Variants in CREB5 observed in about 807,000 individuals in gnomAD.
The protein encoded by CREB5 is cAMP responsive element binding protein 5.
CREB5 carries 19 observed loss-of-function variants against 57.1 expected under a neutral mutation model. That is an observed-to-expected ratio of 0.33 (90% CI 0.23 to 0.49). The LOEUF is 0.49. CREB5 is among the 20% of genes least tolerant of loss of function. CREB5 has a pLI of 0.99. For synonymous variants in CREB5, 238 were observed against 238.3 expected, an observed-to-expected ratio of 1.00 and a Z score of 0.01; for missense variants, 579 against 671.6, an observed-to-expected ratio of 0.86 and a Z score of 1.52.
At chr7:28,519,646 G>A (rs1793123224) in intron 4 of CREB5, among the ~76,000 whole-genome samples, 1 of 152,172 alleles carries the variant, frequency 6.6e-6, no homozygotes, top group East Asian at 1.9e-4. Flanking sequence ...TGTGATGGTG[G>A]GAGAGAGGCA....
intron 1 of CREB5, among the ~76,000 whole-genome samples, chr7:28,357,462 A>G (rs1294891804): frequency 6.6e-6 from 1 of 152,186 alleles, no homozygotes; most frequent in Non-Finnish European, 1.5e-5. Flanking sequence ...TGTATGATTT[A>G]TTTAGGATTT....
intron 5 of CREB5, among the ~76,000 whole-genome samples, chr7:28,587,119 A>G (rs1796332706): frequency 6.6e-6 from 1 of 152,270 alleles, no homozygotes; most frequent in Admixed American, 6.5e-5. Flanking sequence ...GTATTTATCT[A>G]TACTTGGCTT....
At chr7:28,795,457 A>G (rs1372264844) in intron 7 of CREB5, among the ~76,000 whole-genome samples, 1 of 152,214 alleles carries the variant, frequency 6.6e-6, no homozygotes, top group Non-Finnish European at 1.5e-5. Context: ...ATAGAATTGT[A>G]AGAAAAGGAG....
At chr7:28,532,230 T>C (rs1354525517) in intron 4 of CREB5, among the ~76,000 whole-genome samples, 1 of 152,088 alleles carries the variant, frequency 6.6e-6, no homozygotes, top group Non-Finnish European at 1.5e-5. Context: ...GAGAGACTCA[T>C]CTTGGAAGCA....
At chr7:28,673,822 C>T (rs1324439230) in intron 5 of CREB5, among the ~76,000 whole-genome samples, 2 of 151,818 alleles carry the variant, frequency 1.3e-5, no homozygotes, top group Non-Finnish European at 2.9e-5. Flanking sequence ...TACAGGCGTA[C>T]ACCACCACAC....
chr7:28,825,750 C>A lies in CREB5; in HGVS notation c.*6471C>A, dbSNP rs1810025895. 6.6e-6 allele frequency: 1 copy of A among 152,568 alleles called. No homozygotes were observed. Among genetic ancestry groups the A allele is most frequent in the African/African-American group, 2.4e-5 (1 of 41,434 alleles). The allele number at this position is 152,568 out of a possible 1,614,324, so 9.5% of individuals were successfully genotyped here. A position where few individuals can be genotyped will look rare whatever the true frequency, so the allele number is the denominator to read the frequency against. Reference sequence around the variant, plus strand: ...GCATCGTGAACACATTTATTGTTACCAATGGACAATGAGTTCATTAAGACT... The same window carrying A: ...GCATCGTGAACACATTTATTGTTACAAATGGACAATGAGTTCATTAAGACT... On this transcript the variant is annotated 3_prime_UTR_variant, in exon 11 of 11. Coordinates refer to ENST00000357727, the MANE Select transcript of CREB5 (RefSeq NM_182898.4).
At chr7:28,621,335 G>A (rs1797783578) in intron 5 of CREB5, among the ~76,000 whole-genome samples, 1 of 152,248 alleles carries the variant, frequency 6.6e-6, no homozygotes, top group East Asian at 1.9e-4. Context: ...TTATGAACAA[G>A]GGAAAGTATT....
At chr7:28,476,259 CA>C (rs1791065171) in intron 1 of CREB5, among the ~76,000 whole-genome samples, 1 of 152,204 alleles carries the variant, frequency 6.6e-6, no homozygotes, top group Non-Finnish European at 1.5e-5. Context: ...AGAGAATCAT[CA>C]AGTCAGGATC....
At chr7:28,311,480 C>T (rs1057207211) in intron 1 of CREB5, among the ~76,000 whole-genome samples, 1 of 152,220 alleles carries the variant, frequency 6.6e-6, no homozygotes. Flanking sequence ...GAACATTGAT[C>T]AGAAACAGAC....
At chr7:28,479,402 G>A (rs890188415) in intron 1 of CREB5, among the ~76,000 whole-genome samples, 2 of 152,170 alleles carry the variant, frequency 1.3e-5, no homozygotes, top group African/African-American at 4.8e-5. Context: ...GCCACCCAAG[G>A]AAATGATGCC....
intron 7 of CREB5, among the ~76,000 whole-genome samples, chr7:28,770,290 T>G (rs1806252212): frequency 1.3e-5 from 2 of 152,198 alleles, no homozygotes; most frequent in African/African-American, 4.8e-5. Context: ...CAGTCTTTCT[T>G]GGGCATCTAT....
chr7:28,788,257 C>T (rs748019725), intron 7 of CREB5, among the ~76,000 whole-genome samples: 3 of 152,066 alleles, frequency 2.0e-5, no homozygotes, highest in Non-Finnish European at 4.4e-5. Flanking sequence ...CTCCTCCTCC[C>T]CCAAGTTGTG....
rs189238547 is a variant in CREB5, at chr7:28,586,213, G to A, written c.464+15676G>A. Among the ~76,000 whole-genome samples the A allele has an allele frequency of 4.2e-3, 641 of 152,276 alleles. 20 individuals carry two copies. Among genetic ancestry groups the A allele is most frequent in the Admixed American group, 0.038 (574 of 15,298 alleles). ...CCTCACTGTCACGGGCCAGAAATCT[G>A]TGTGGGCATCTTCCAAACCCATGTT... On this transcript the variant is annotated intron_variant, in intron 5 of 10. Coordinates refer to ENST00000357727, the MANE Select transcript of CREB5 (RefSeq NM_182898.4).
At chr7:28,600,588 A>G (rs570658308) in intron 5 of CREB5, among the ~76,000 whole-genome samples, 5 of 152,320 alleles carry the variant, frequency 3.3e-5, no homozygotes, top group South Asian at 2.1e-4. Context: ...AAAATTATGC[A>G]GGCCAGACAG....
chr7:28,529,169 C>T (rs1562776997), intron 4 of CREB5, among the ~76,000 whole-genome samples: 1 of 152,226 alleles, frequency 6.6e-6, no homozygotes, highest in Non-Finnish European at 1.5e-5. Context: ...TGCTGGGCTA[C>T]ATCTGGAGGT....
At chr7:28,725,484 A>G (rs548630668) in intron 7 of CREB5, among the ~76,000 whole-genome samples, 105 of 152,336 alleles carry the variant, frequency 6.9e-4, no homozygotes, top group Non-Finnish European at 1.3e-3. Context: ...TGATGTGCCA[A>G]ATGGCACCAG....
chr7:28,693,243 A>G (rs1246263725), intron 5 of CREB5, among the ~76,000 whole-genome samples: 3 of 152,264 alleles, frequency 2.0e-5, no homozygotes, highest in Non-Finnish European at 4.4e-5. Flanking sequence ...GTGAATGTCA[A>G]GGTATCTATT....
At chr7:28,353,443 A>T (rs1485491081) in intron 1 of CREB5, among the ~76,000 whole-genome samples, 2 of 152,208 alleles carry the variant, frequency 1.3e-5, no homozygotes, top group African/African-American at 4.8e-5. Context: ...AATGAGTTAC[A>T]TTATCTCCAG....
chr7:28,675,298 GT>G (rs1360706719), intron 5 of CREB5, among the ~76,000 whole-genome samples: 1 of 152,138 alleles, frequency 6.6e-6, no homozygotes, highest in Non-Finnish European at 1.5e-5. Context: ...CATCTCGTTT[GT>G]TTTGTTTCCT....
Sources: allele counts gnomAD v4.1 joint callset (sites outside exome capture counted in the v4.1 genomes callset), GRCh38; gene constraint gnomAD v4.1.1; transcripts MANE v1.5; gene names NCBI Gene and HGNC (gene_info 2026-07-23, HGNC 2026-07-21).